The following INTS11 variants were observed in gnomAD, a reference collection of about 807,000 sequenced individuals.
The protein encoded by INTS11 is CPSF3-like protein.
INTS11 carries 77 observed loss-of-function variants against 78.6 expected under a neutral mutation model. That is an observed-to-expected ratio of 0.98 (90% CI 0.81 to 1.18). INTS11 has a LOEUF of 1.18. Ranked by LOEUF, INTS11 falls within the 50% of genes most tolerant of loss-of-function variation. INTS11 has a pLI of 0.00. For missense variants in INTS11, 875 were observed against 825.9 expected, an observed-to-expected ratio of 1.06 and a Z score of -0.73; for synonymous variants, 441 against 326.9, an observed-to-expected ratio of 1.35 and a Z score of -3.77.
At position 1,319,397 on chromosome 1, in the gene INTS11, T is replaced by C. The variant is rs201613283; in HGVS notation, c.328A>G (p.Ile110Val). The change falls in exon 4 of 17, where the codon ATC (isoleucine) becomes GTC (valine). Residue 110 changes from isoleucine to valine, a missense_variant. By Grantham distance (29) the Ile-to-Val change is conservative (BLOSUM62 3). Coordinates refer to ENST00000435064, the MANE Select transcript of INTS11 (RefSeq NM_017871.6). ...GCCTCGCCCTTCTTGTCTACGGCGA[T>C]CTTGCGGTAGTCCTCCAGCAAGATG... Reference protein sequence around the residue: ...CPILLEDYRKIAVDKKGEANF... With the variant: ...CPILLEDYRKVAVDKKGEANF... 9.8e-5 allele frequency: 158 copies of C among 1,613,392 alleles called. No homozygotes were observed. The Middle Eastern group carries it at 2.5e-3, about 25-fold the overall frequency.
At chr1:1,321,946 C>T (rs1297685204) in intron 1 of INTS11, 4 of 1,389,660 alleles carry the variant, frequency 2.9e-6, no homozygotes, top group Non-Finnish European at 3.8e-6. Context: ...AAAGCCAGCA[C>T]CACACATCAG....
intron 1 of INTS11, among the ~76,000 whole-genome samples, chr1:1,323,711 T>C (rs1643104286): frequency 6.6e-6 from 1 of 151,136 alleles, no homozygotes; most frequent in Admixed American, 6.6e-5. Flanking sequence ...GTGCCCAGAC[T>C]GTCAGGACTT....
At position 1,313,933 on chromosome 1, in the gene INTS11, C is replaced by T. The variant is rs750136756; in HGVS notation, c.768-12G>A. 1.8e-5 allele frequency: 29 copies of T among 1,609,382 alleles called. No individual in the cohort carries two copies. The highest frequency in any genetic ancestry group is 5.3e-5 in the African/African-American group (4 of 74,876). On this transcript the variant is annotated splice_polypyrimidine_tract_variant and intron_variant, in intron 8 of 16. Coordinates refer to ENST00000435064, the MANE Select transcript of INTS11 (RefSeq NM_017871.6). Reference sequence around the variant, plus strand: ...GGTTCATGCGCTCCCTGGGGACCACCGGCCCAGTCAGCACAGTGGCCACAG... The same window carrying T: ...GGTTCATGCGCTCCCTGGGGACCACTGGCCCAGTCAGCACAGTGGCCACAG...
At chr1:1,319,134 G>A (rs774978000) in intron 4 of INTS11, 162 bp downstream of exon 4, 67 of 805,058 alleles carry the variant, frequency 8.3e-5, no homozygotes, top group East Asian at 4.6e-4. Flanking sequence ...GCATCCTCGC[G>A]CTGACGCCTC....
rs777227389 is a variant in INTS11 at position 1,324,572 on chromosome 1, C to G, written c.28+9G>C. On this transcript the variant is annotated intron_variant, in intron 1 of 16. Coordinates refer to ENST00000435064, the MANE Select transcript of INTS11 (RefSeq NM_017871.6). Reference sequence around the variant, plus strand: ...CCACCCCACAGCCCTCCCGGCGGCTCCCACTCACCCAAGGGCGTGACTCTG... The same window carrying G: ...CCACCCCACAGCCCTCCCGGCGGCTGCCACTCACCCAAGGGCGTGACTCTG... 6 of 1,590,866 alleles carry G rather than the reference C, an allele frequency of 3.8e-6. No individual in the cohort carries two copies. The highest frequency in any genetic ancestry group is 5.1e-6 in the Non-Finnish European group (6 of 1,170,966).
Position 1,322,048 on chromosome 1 carries a change from C to A in INTS11, c.29-955G>T. The A allele has an allele frequency of 2.7e-6, 3 of 1,114,232 alleles. No individual in the cohort carries two copies. The African/African-American group carries it at 4.9e-5, about 18-fold the overall frequency. 69.0% of individuals were successfully genotyped at this position (1,114,232 alleles called of 1,614,324 possible). ...TGTTCCTGCCCCCGCTGGGTGTGAG[C>A]TCTCTGAGAGCAGGGTCTCAGCTGT... On this transcript the variant is annotated intron_variant, in intron 1 of 16. Coordinates refer to ENST00000435064, the MANE Select transcript of INTS11 (RefSeq NM_017871.6).
At position 1,315,621 on chromosome 1, in the gene INTS11, G is replaced by A; in HGVS notation, c.430-3C>T. ...TTGATCTCCAGCTCATCATCTACCT[G>A]TGGAGGACAGGGCTGCGCTCAGGCT... On this transcript the variant is annotated splice_polypyrimidine_tract_variant and splice_region_variant and intron_variant, in intron 4 of 16. Transcript: ENST00000435064. 2.5e-6 allele frequency: 4 copies of A among 1,608,344 alleles called. No individual in the cohort carries two copies. Among genetic ancestry groups the A allele is most frequent in the East Asian group, 2.2e-5 (1 of 44,788 alleles).
Position 1,312,213 on chromosome 1 carries a change from G to GGGGGGGGGGGCCCCCCCCCCCCCCCC in INTS11, c.1607+12_1607+13insGGGGGGGGGGGGGGGGCCCCCCCCCC. ...CCCAAGGGAGTGGGGGGGGGGCGGG[G>GGGGGGGGGGGCCCCCCCCCCCCCCCC]CCGGGCGCCCACCTCTTGAGGTGGC... is the stretch of plus-strand genomic sequence containing the variant. On this transcript the variant is annotated intron_variant, in intron 15 of 16. Coordinates refer to ENST00000435064, the MANE Select transcript of INTS11 (RefSeq NM_017871.6). 1 of 934,616 alleles carries GGGGGGGGGGGCCCCCCCCCCCCCCCC rather than the reference G, an allele frequency of 1.1e-6. No homozygotes were observed. The highest frequency in any genetic ancestry group is 1.6e-6 in the Non-Finnish European group (1 of 636,666). The allele number at this position is 934,616 out of a possible 1,614,324, so 57.9% of individuals were successfully genotyped here. A position where few individuals can be genotyped will look rare whatever the true frequency, so the allele number is the denominator to read the frequency against.
intron 1 of INTS11, chr1:1,323,008 C>A: frequency 7.2e-7 from 1 of 1,390,568 alleles, no homozygotes; most frequent in Non-Finnish European, 9.3e-7. Context: ...AGCCAAGAGG[C>A]CAAATGGGAA....
intron 4 of INTS11, among the ~76,000 whole-genome samples, chr1:1,318,320 G>C (rs1260764278): frequency 6.6e-6 from 1 of 152,122 alleles, no homozygotes; most frequent in Non-Finnish European, 1.5e-5. Context: ...GCAAATGTTG[G>C]TGTTACCAGG....
intron 1 of INTS11, among the ~76,000 whole-genome samples, chr1:1,323,719 C>T (rs1271152182): frequency 6.6e-6 from 1 of 150,670 alleles, no homozygotes; most frequent in Non-Finnish European, 1.5e-5. Context: ...ACTGTCAGGA[C>T]TTTTAGGAGT....
chr1:1,320,709 G>C, intron 2 of INTS11, 180 bp from the exon 3 acceptor site: 1 of 744,686 alleles, frequency 1.3e-6, no homozygotes, highest in South Asian at 1.4e-5. Context: ...GAGGGGCCGA[G>C]GTTACCCCCA....
chr1:1,322,353 A>G (rs891378500), intron 1 of INTS11, among the ~76,000 whole-genome samples: 21 of 151,182 alleles, frequency 1.4e-4, no homozygotes, highest in Admixed American at 7.9e-4. Flanking sequence ...ACGAGGGGAC[A>G]GGGCTCAGAA....
chr1:1,312,213 G>GCCGGCCCCCCCCCC lies in INTS11; in HGVS notation c.1607+12_1607+13insGGGGGGGGGGCCGG. The GCCGGCCCCCCCCCC allele has an allele frequency of 1.1e-6, 1 of 934,606 alleles. No individual in the cohort carries two copies. Among genetic ancestry groups the GCCGGCCCCCCCCCC allele is most frequent in the Non-Finnish European group, 1.6e-6 (1 of 636,654 alleles). The allele number at this position is 934,606 out of a possible 1,614,324, so 57.9% of individuals were successfully genotyped here. On this transcript the variant is annotated intron_variant, in intron 15 of 16. Coordinates refer to ENST00000435064, the MANE Select transcript of INTS11 (RefSeq NM_017871.6). ...CCCAAGGGAGTGGGGGGGGGGCGGG[G>GCCGGCCCCCCCCCC]CCGGGCGCCCACCTCTTGAGGTGGC...
At position 1,314,571 on chromosome 1, in the gene INTS11, G is replaced by A. The variant is rs920685687; in HGVS notation, c.703-206C>T. ...GGAGGGAGCCGCATGAGAGACAGAA[G>A]GGAGCTGCATGAGAGACAGAAGGAG... is the stretch of plus-strand genomic sequence containing the variant. On this transcript the variant is annotated intron_variant, in intron 7 of 16. Coordinates refer to ENST00000435064, the MANE Select transcript of INTS11 (RefSeq NM_017871.6). The surrounding 1 kb of genome is among the most constrained non-coding windows in gnomAD (Gnocchi z 4.2). The A allele has an allele frequency of 1.1e-5, 7 of 632,058 alleles. No homozygotes were observed. The highest frequency in any genetic ancestry group is 2.8e-5 in the East Asian group (1 of 36,102). The allele number at this position is 632,058 out of a possible 1,614,324, so 39.2% of individuals were successfully genotyped here. A position where few individuals can be genotyped will look rare whatever the true frequency, so the allele number is the denominator to read the frequency against.
rs1346572762 is a variant in INTS11 at position 1,317,527 on chromosome 1, G to T, written c.429+1769C>A. ...CAGGAAACAGGAAAGACAAACAGAT[G>T]ACGGAGTTTCAAGAGGTTGAACGTC... On this transcript the variant is annotated intron_variant, in intron 4 of 16. Transcript: ENST00000435064. 23 of 860,804 alleles carry T rather than the reference G, an allele frequency of 2.7e-5. 1 individual carries two copies. Among genetic ancestry groups the T allele is most frequent in the Non-Finnish European group, 3.2e-5 (23 of 716,512 alleles). 53.3% of individuals were successfully genotyped at this position (860,804 alleles called of 1,614,324 possible). A position where few individuals can be genotyped will look rare whatever the true frequency, so the allele number is the denominator to read the frequency against.
chr1:1,319,338 G>A lies in INTS11; in HGVS notation c.387C>T (p.Cys129=). ...NFFTSQMIKD[C]MKKVVAVHLH... ...GGTGGACAGCCACCACCTTCTTCAT[G>A]CAGTCTTTGATCATCTGGGAGGTGA... The change falls in exon 4 of 17, where the codon TGC becomes TGT. Residue 129 remains cysteine (C), a synonymous_variant. Transcript: ENST00000435064. 6.2e-7 allele frequency: 1 copy of A among 1,613,334 alleles called. No individual in the cohort carries two copies. The highest frequency in any genetic ancestry group is 1.1e-5 in the South Asian group (1 of 91,084).
In INTS11 at chr1:1,312,213, G is replaced by GCCCGGCCCCCCCCCCCCCCC; in HGVS notation, c.1607+12_1607+13insGGGGGGGGGGGGGGGCCGGG. The GCCCGGCCCCCCCCCCCCCCC allele has an allele frequency of 1.1e-6, 1 of 934,546 alleles. No homozygotes were observed. 57.9% of individuals were successfully genotyped at this position (934,546 alleles called of 1,614,324 possible). A position where few individuals can be genotyped will look rare whatever the true frequency, so the allele number is the denominator to read the frequency against. ...CCCAAGGGAGTGGGGGGGGGGCGGG[G>GCCCGGCCCCCCCCCCCCCCC]CCGGGCGCCCACCTCTTGAGGTGGC... is the stretch of plus-strand genomic sequence containing the variant. On this transcript the variant is annotated intron_variant, in intron 15 of 16. Coordinates refer to ENST00000435064, the MANE Select transcript of INTS11 (RefSeq NM_017871.6).
chr1:1,314,242 C>CTGGA lies in INTS11; in HGVS notation c.767+55_767+58dup, dbSNP rs1642434159. 1.4e-6 allele frequency: 2 copies of CTGGA among 1,472,362 alleles called. No individual in the cohort carries two copies. The highest frequency in any genetic ancestry group is 4.9e-5 in the East Asian group (2 of 40,782). 91.2% of individuals were successfully genotyped at this position (1,472,362 alleles called of 1,614,324 possible). ...TACGCTGGACAGGGCTGCCCACCAA[C>CTGGA]TGGACTGTGTTCAGGCCGGGCCAGG... On this transcript the variant is annotated intron_variant, in intron 8 of 16. Coordinates refer to ENST00000435064, the MANE Select transcript of INTS11 (RefSeq NM_017871.6). This position sits in a 1 kb window ranked among gnomAD's most constrained non-coding sequence, Gnocchi z 4.2.
Sources: allele counts gnomAD v4.1 joint callset (sites outside exome capture counted in the v4.1 genomes callset), GRCh38; gene constraint gnomAD v4.1.1; non-coding constraint Gnocchi (gnomAD v3.1); transcripts MANE v1.5; gene names NCBI Gene and HGNC (gene_info 2026-07-23, HGNC 2026-07-21).